The following DLC1 variants were observed in gnomAD, a reference collection of about 807,000 sequenced individuals.
DLC1 encodes the protein rho GTPase-activating protein 7.
DLC1 carries 54 observed loss-of-function variants against 140.3 expected under a neutral mutation model. The ratio of observed to expected loss-of-function variants is 0.38; its 90% CI spans 0.31 to 0.48. The LOEUF (loss-of-function observed/expected upper bound fraction) is 0.48, where lower values mean the gene tolerates loss of function less well. DLC1 is among the 20% of genes least tolerant of loss of function. DLC1 has a pLI of 0.96. For synonymous variants in DLC1, 986 were observed against 728.1 expected (o/e 1.35, Z -5.70); for missense variants, 2,536 against 1,907.0 (o/e 1.33, Z -6.14).
chr8:13,575,461 C>G (rs1209362435), intron 1 of DLC1, among the ~76,000 whole-genome samples: 1 of 152,002 alleles, frequency 6.6e-6, no homozygotes, highest in Non-Finnish European at 1.5e-5. Flanking sequence ...AGGATTCCCA[C>G]ATCTGGGCTG....
intron 3 of DLC1, among the ~76,000 whole-genome samples, chr8:13,401,074 G>A (rs1837272511): frequency 6.6e-6 from 1 of 152,128 alleles, no homozygotes; most frequent in South Asian, 2.1e-4. Context: ...TACTCATGCA[G>A]CAAATCTATA....
At chr8:13,294,871 G>C (rs1191070475) in intron 5 of DLC1, among the ~76,000 whole-genome samples, 1 of 152,130 alleles carries the variant, frequency 6.6e-6, no homozygotes, top group Admixed American at 6.5e-5. Flanking sequence ...GTATAATGTA[G>C]ATAACAATAG....
intron 4 of DLC1, among the ~76,000 whole-genome samples, chr8:13,354,952 C>CAA (rs33950865): frequency 9.3e-6 from 1 of 106,976 alleles, no homozygotes; most frequent in Non-Finnish European, 2.0e-5. Flanking sequence ...GACACTGGCT[C>CAA]AAAAAAAAAA....
At chr8:13,373,595 T>C (rs1433953033) in intron 4 of DLC1, among the ~76,000 whole-genome samples, 1 of 152,160 alleles carries the variant, frequency 6.6e-6, no homozygotes, top group Non-Finnish European at 1.5e-5. Flanking sequence ...AACATGCAAA[T>C]AACATTATTT....
At chr8:13,385,839 G>C (rs1200319615) in intron 4 of DLC1, among the ~76,000 whole-genome samples, 1 of 152,072 alleles carries the variant, frequency 6.6e-6, no homozygotes, top group Non-Finnish European at 1.5e-5. Flanking sequence ...CAAATGCCTG[G>C]GACAGAATTA....
chr8:13,213,786 C>T (rs576313922), intron 5 of DLC1, among the ~76,000 whole-genome samples: 16 of 149,716 alleles, frequency 1.1e-4, no homozygotes, highest in African/African-American at 3.7e-4. Context: ...TGTTTGTTTC[C>T]GTTTTTTTTT....
At chr8:13,395,971 A>G (rs1837022938) in intron 3 of DLC1, among the ~76,000 whole-genome samples, 1 of 152,020 alleles carries the variant, frequency 6.6e-6, no homozygotes, top group Non-Finnish European at 1.5e-5. Flanking sequence ...TAAACATTGA[A>G]TGCATAATCA....
chr8:13,150,824 C>T (rs1245821492), intron 5 of DLC1, among the ~76,000 whole-genome samples: 3 of 152,188 alleles, frequency 2.0e-5, no homozygotes, highest in Non-Finnish European at 4.4e-5. Context: ...ACTTCACATC[C>T]AGAAAAATAT....
intron 4 of DLC1, among the ~76,000 whole-genome samples, chr8:13,391,900 G>GA (rs544663879): frequency 1.1e-4 from 10 of 92,916 alleles, no homozygotes; most frequent in Admixed American, 3.1e-4. Flanking sequence ...CCCCAATGTT[G>GA]AAAAAAAAGA....
chr8:13,284,775 A>G (rs1586070116), intron 5 of DLC1, among the ~76,000 whole-genome samples: 1 of 152,286 alleles, frequency 6.6e-6, no homozygotes, highest in East Asian at 1.9e-4. Context: ...ACAAGAAAAT[A>G]CCATGCATGA....
intron 1 of DLC1, among the ~76,000 whole-genome samples, chr8:13,580,396 C>T (rs1391590811): frequency 2.0e-5 from 3 of 152,220 alleles, no homozygotes; most frequent in Non-Finnish European, 4.4e-5. Context: ...GCTGGGATTA[C>T]AGGCGTGAGC....
At chr8:13,398,985 T>C (rs537868808) in intron 3 of DLC1, among the ~76,000 whole-genome samples, 16 of 152,202 alleles carry the variant, frequency 1.1e-4, no homozygotes, top group Admixed American at 9.2e-4. Flanking sequence ...AGTAAAATTG[T>C]TGAATAGCCA....
chr8:13,585,737 C>T (rs1157833033), intron 1 of DLC1, among the ~76,000 whole-genome samples: 12 of 152,110 alleles, frequency 7.9e-5, no homozygotes, highest in Admixed American at 7.9e-4. Flanking sequence ...AGGAACATCA[C>T]CCTGATTTCT....
chr8:13,280,254 C>T (rs1178909457), intron 5 of DLC1, among the ~76,000 whole-genome samples: 1 of 135,118 alleles, frequency 7.4e-6, no homozygotes, highest in African/African-American at 2.8e-5. Context: ...CACCACTGCA[C>T]TCCAGCCTGG....
chr8:13,406,842 A>C (rs1585053734), intron 2 of DLC1, among the ~76,000 whole-genome samples: 1 of 152,176 alleles, frequency 6.6e-6, no homozygotes, highest in East Asian at 1.9e-4. Context: ...GCTATTCTTA[A>C]TGGAATAGCC....
chr8:13,453,789 C>A (rs999732919), intron 2 of DLC1, among the ~76,000 whole-genome samples: 5 of 151,304 alleles, frequency 3.3e-5, no homozygotes, highest in African/African-American at 1.2e-4. Context: ...AGTTAAATTT[C>A]ATTATAACGA....
At chr8:13,412,804 A>AGGC (rs1563325941) in intron 2 of DLC1, among the ~76,000 whole-genome samples, 1 of 151,452 alleles carries the variant, frequency 6.6e-6, no homozygotes, top group Non-Finnish European at 1.5e-5. Flanking sequence ...TGGTGGTGGG[A>AGGC]GCCTGTAGTC....
At chr8:13,424,188 A>G (rs893066724) in intron 2 of DLC1, among the ~76,000 whole-genome samples, 2 of 152,158 alleles carry the variant, frequency 1.3e-5, no homozygotes, top group African/African-American at 4.8e-5. Context: ...CCTGGAAAAA[A>G]TAGAAATAAT....
intron 5 of DLC1, among the ~76,000 whole-genome samples, chr8:13,221,855 A>T (rs1026856227): frequency 6.9e-6 from 1 of 144,526 alleles, no homozygotes; most frequent in African/African-American, 2.5e-5. Context: ...AAATATATTA[A>T]TATATTAATA....
Sources: allele counts gnomAD v4.1 joint callset (sites outside exome capture counted in the v4.1 genomes callset), GRCh38; gene constraint gnomAD v4.1.1; transcripts MANE v1.5; gene names NCBI Gene and HGNC (gene_info 2026-07-23, HGNC 2026-07-21).